MB21D2: variants seen among roughly 807,000 people sequenced by gnomAD.
MB21D2 encodes the protein nucleotidyltransferase MB21D2.
Under a neutral mutation model 33.3 loss-of-function variants are expected in MB21D2, and 9 were observed. The observed-to-expected ratio is 0.27, with a 90% CI of 0.16 to 0.47. The LOEUF (loss-of-function observed/expected upper bound fraction) is 0.47. MB21D2 is among the 20% of genes least tolerant of loss of function. MB21D2 has a pLI of 0.99. For synonymous variants in MB21D2, 241 were observed against 236.3 expected (o/e 1.02, Z -0.18); for missense variants, 540 against 624.6 (o/e 0.86, Z 1.44).
chr3:192,857,193 A>G (rs1401722793), intron 1 of MB21D2, among the ~76,000 whole-genome samples: 1 of 152,218 alleles, frequency 6.6e-6, no homozygotes, highest in Non-Finnish European at 1.5e-5. Flanking sequence ...CTGCAAAATA[A>G]TTGAAAGATC....
intron 1 of MB21D2, among the ~76,000 whole-genome samples, chr3:192,849,519 T>C (rs1712753567): frequency 6.6e-6 from 1 of 152,166 alleles, no homozygotes; most frequent in Non-Finnish European, 1.5e-5. Flanking sequence ...GGTTTCACCA[T>C]GTTGGTCAGG....
intron 1 of MB21D2, among the ~76,000 whole-genome samples, chr3:192,805,175 T>C (rs1426760097): frequency 1.3e-5 from 2 of 152,220 alleles, no homozygotes; most frequent in African/African-American, 4.8e-5. Flanking sequence ...CAGGGCAATG[T>C]GCCAGTTTTT....
chr3:192,816,271 G>A (rs762679442), intron 1 of MB21D2, among the ~76,000 whole-genome samples: 2 of 151,960 alleles, frequency 1.3e-5, no homozygotes, highest in African/African-American at 2.4e-5. Context: ...AAGGACTCAG[G>A]TGTGCTACGA....
chr3:192,909,966 A>AAGAG (rs796107234), intron 1 of MB21D2, among the ~76,000 whole-genome samples: 26 of 132,296 alleles, frequency 2.0e-4, no homozygotes, highest in African/African-American at 6.7e-4. Context: ...AAAAAAAAGA[A>AAGAG]AGAGAGAGAG....
At chr3:192,864,621 C>G (rs1283568530) in intron 1 of MB21D2, among the ~76,000 whole-genome samples, 1 of 152,176 alleles carries the variant, frequency 6.6e-6, no homozygotes, top group East Asian at 1.9e-4. Flanking sequence ...ATTCTCCTGC[C>G]TTGGCCTCCC....
At position 192,917,696 on chromosome 3, in the gene MB21D2, G is replaced by A; in HGVS notation, c.145C>T (p.Arg49Trp). 1 of 1,614,170 alleles carries A rather than the reference G, an allele frequency of 6.2e-7. No homozygotes were observed. Among genetic ancestry groups the A allele is most frequent in the Non-Finnish European group, 8.5e-7 (1 of 1,180,034 alleles). The change falls in exon 1 of 2, where the codon CGG becomes TGG. Residue 49 changes from arginine to tryptophan, a missense_variant. Transcript: ENST00000392452. Reference sequence around the variant, plus strand: ...AGCGCTCTCTGGTCGTCGTATTCCCGCTGGTCGTGCTTCGTAAATTCTTGG... The same window carrying A: ...AGCGCTCTCTGGTCGTCGTATTCCCACTGGTCGTGCTTCGTAAATTCTTGG... ...LIQEFTKHDQ[R>W]EYDDQRALEI...
At chr3:192,816,418 A>G (rs548432802) in intron 1 of MB21D2, among the ~76,000 whole-genome samples, 2 of 152,290 alleles carry the variant, frequency 1.3e-5, no homozygotes, top group African/African-American at 2.4e-5. Context: ...GTTTGAGGAG[A>G]AACTCTCCAG....
intron 1 of MB21D2, among the ~76,000 whole-genome samples, chr3:192,890,799 A>G (rs969212064): frequency 1.3e-5 from 2 of 152,174 alleles, no homozygotes; most frequent in South Asian, 4.1e-4. Flanking sequence ...CACATCCTCC[A>G]TGGCAGGCGG....
At chr3:192,831,562 A>G (rs1460299800) in intron 1 of MB21D2, among the ~76,000 whole-genome samples, 1 of 152,236 alleles carries the variant, frequency 6.6e-6, no homozygotes. Context: ...TTAGTATCTC[A>G]GATGACTCAT....
chr3:192,908,336 C>T (rs765788070), intron 1 of MB21D2, among the ~76,000 whole-genome samples: 9 of 151,428 alleles, frequency 5.9e-5, no homozygotes, highest in Non-Finnish European at 1.0e-4. Context: ...TGGGAAAGAA[C>T]AGGCTAAGGG....
intron 1 of MB21D2, among the ~76,000 whole-genome samples, chr3:192,821,010 C>G (rs2108616294): frequency 6.6e-6 from 1 of 152,184 alleles, no homozygotes; most frequent in East Asian, 1.9e-4. Flanking sequence ...TCAAGCCATC[C>G]TTCACACCCA....
intron 1 of MB21D2, among the ~76,000 whole-genome samples, chr3:192,873,735 G>A (rs1452178429): frequency 2.0e-5 from 3 of 152,128 alleles, no homozygotes; most frequent in South Asian, 2.1e-4. Flanking sequence ...TCAGAATCTC[G>A]CTCTGTCAAC....
Position 192,799,987 on chromosome 3 carries a change from T to G in MB21D2, c.212-337A>C, listed in dbSNP as rs892411085. ...TATGCAGACTGAAAACCTCAGTACA[T>G]TTCAACTCTTTGCTGCCCTTCTACT... On this transcript the variant is annotated intron_variant, in intron 1 of 1. Coordinates refer to ENST00000392452, the MANE Select transcript of MB21D2 (RefSeq NM_178496.4). The surrounding 1 kb of genome is among the most constrained non-coding windows in gnomAD (Gnocchi z 4.1). Among the ~76,000 whole-genome samples, 9 of 152,190 alleles carry G rather than the reference T, an allele frequency of 5.9e-5. No individual in the cohort carries two copies.
chr3:192,913,445 A>G (rs1714397380), intron 1 of MB21D2, among the ~76,000 whole-genome samples: 1 of 152,200 alleles, frequency 6.6e-6, no homozygotes, highest in Admixed American at 6.5e-5. Context: ...ACTCACGTAT[A>G]TATTCTTTTT....
chr3:192,905,413 C>T (rs928341620), intron 1 of MB21D2, among the ~76,000 whole-genome samples: 1 of 151,750 alleles, frequency 6.6e-6, no homozygotes, highest in Admixed American at 6.6e-5. Flanking sequence ...CCGAGGTGGG[C>T]GGATCACGAG....
At chr3:192,866,830 A>T (rs1199004839) in intron 1 of MB21D2, among the ~76,000 whole-genome samples, 1 of 152,186 alleles carries the variant, frequency 6.6e-6, no homozygotes, top group African/African-American at 2.4e-5. Context: ...ATTTCTGACC[A>T]ATTGCTGAAA....
At chr3:192,909,499 T>C (rs1011705266) in intron 1 of MB21D2, among the ~76,000 whole-genome samples, 1 of 152,204 alleles carries the variant, frequency 6.6e-6, no homozygotes, top group African/African-American at 2.4e-5. Context: ...AATAACACTA[T>C]GGTTTCCCAT....
chr3:192,806,127 C>T (rs1711655201), intron 1 of MB21D2, among the ~76,000 whole-genome samples: 1 of 152,218 alleles, frequency 6.6e-6, no homozygotes, highest in Non-Finnish European at 1.5e-5. Context: ...CTTTCTTGTC[C>T]TCTCACCCAG....
intron 1 of MB21D2, among the ~76,000 whole-genome samples, chr3:192,856,796 G>A (rs1219077950): frequency 6.6e-6 from 1 of 152,108 alleles, no homozygotes; most frequent in Non-Finnish European, 1.5e-5. Context: ...CAAGCAATCT[G>A]CACATTTGGG....
Sources: gnomAD v4.1 joint callset for allele counts (sites outside exome capture counted in the v4.1 genomes callset) on GRCh38, gnomAD v4.1.1 for gene constraint, Gnocchi (gnomAD v3.1) non-coding constraint, MANE v1.5 for transcripts, NCBI Gene and HGNC (gene_info 2026-07-23, HGNC 2026-07-21) for gene names.